Variants in SHROOM2 observed in about 807,000 individuals in gnomAD.
SHROOM2 encodes the protein protein Shroom2.
In SHROOM2, 33 loss-of-function variants were observed where a neutral mutation model predicts 75.9. The observed-to-expected ratio is 0.43, with a 90% confidence interval of 0.33 to 0.58. The LOEUF is 0.58. Ranked by LOEUF, SHROOM2 falls within the 20% of genes least tolerant of loss-of-function variation. SHROOM2 has a pLI of 0.04. For synonymous variants in SHROOM2, 655 were observed against 663.6 expected (o/e 0.99, Z 0.20); for missense variants, 1,434 against 1,461.2 (o/e 0.98, Z 0.30).
At chrX:9,787,947 C>CT (rs1226102692) in intron 1 of SHROOM2, among the ~76,000 whole-genome samples, 10 of 102,807 alleles carry the variant, frequency 9.7e-5, no homozygotes, top group African/African-American at 2.2e-4. Flanking sequence ...GAACACTCCT[C>CT]TTTTTTTTTT....
In SHROOM2 at chrX:9,902,042, A is replaced by G. The variant is rs564944999; in HGVS notation, c.2891+3752A>G. ...GTTGGATGGATGGAAGGGTAAGTGG[A>G]TAGATGGATGGATGGATGCATGGAT... is the stretch of plus-strand genomic sequence containing the variant. On this transcript the variant is annotated intron_variant, in intron 5 of 9. Transcript: ENST00000380913. Among the ~76,000 whole-genome samples the G allele has an allele frequency of 2.4e-4, 27 of 110,311 alleles. No individual in the cohort carries two copies. In the Middle Eastern group the frequency reaches 0.014, roughly 58 times the overall value.
chrX:9,829,944 T>TTTTTAATTTTA (rs369730941), intron 1 of SHROOM2, among the ~76,000 whole-genome samples: 12 of 107,307 alleles, frequency 1.1e-4, no homozygotes, highest in African/African-American at 4.1e-4. Context: ...TGGCCCAGTT[T>TTTTTAATTTTA]TTTTTATTTT....
At chrX:9,850,248 C>A (rs2084031228) in intron 1 of SHROOM2, among the ~76,000 whole-genome samples, 1 of 112,313 alleles carries the variant, frequency 8.9e-6, no homozygotes, top group Admixed American at 9.4e-5. Context: ...TGCTGACCTT[C>A]TTACATGCCT....
chrX:9,922,635 A>T (rs1293812973), intron 5 of SHROOM2, among the ~76,000 whole-genome samples: 1 of 111,314 alleles, frequency 9.0e-6, no homozygotes, highest in Non-Finnish European at 1.9e-5. Flanking sequence ...CTGTGAATAC[A>T]GCACCACTGG....
At chrX:9,901,302 C>T (rs1185975546) in intron 5 of SHROOM2, among the ~76,000 whole-genome samples, 1 of 112,059 alleles carries the variant, frequency 8.9e-6, no homozygotes, top group Non-Finnish European at 1.9e-5. Context: ...TTCTGAGATA[C>T]TAAGAGTTAT....
intron 1 of SHROOM2, among the ~76,000 whole-genome samples, chrX:9,870,505 A>G (rs1223820593): frequency 2.7e-5 from 3 of 112,310 alleles, no homozygotes; most frequent in African/African-American, 6.5e-5. Flanking sequence ...ATCTATATTC[A>G]TAGAGATTAA....
At chrX:9,916,889 A>G (rs913149698) in intron 5 of SHROOM2, among the ~76,000 whole-genome samples, 2 of 111,954 alleles carry the variant, frequency 1.8e-5, no homozygotes, top group Admixed American at 1.9e-4. Context: ...TTTTTGACAT[A>G]CAAGTGTGTT....
At chrX:9,875,105 AAAAAAG>A (rs2084192525) in intron 2 of SHROOM2, among the ~76,000 whole-genome samples, 2 of 100,447 alleles carry the variant, frequency 2.0e-5, no homozygotes, top group African/African-American at 7.1e-5. Flanking sequence ...AAAAAAAAAA[AAAAAAG>A]GGGAGGAAGG....
At position 9,904,073 on chromosome X, in the gene SHROOM2, C is replaced by T. The variant is rs759078610; in HGVS notation, c.2891+5783C>T. Among the ~76,000 whole-genome samples, 10 of 111,173 alleles carry T rather than the reference C, an allele frequency of 9.0e-5. No homozygotes were observed. The East Asian group carries it at 2.8e-3, about 31-fold the overall frequency. ...CAGGGAGGCAGATCCACAAAGCCCT[C>T]GTGTGGAGGGAGAAGTGTGCAAAAG... On this transcript the variant is annotated intron_variant, in intron 5 of 9. Coordinates refer to ENST00000380913, the MANE Select transcript of SHROOM2 (RefSeq NM_001649.4).
intron 1 of SHROOM2, among the ~76,000 whole-genome samples, chrX:9,863,958 C>A (rs1407226276): frequency 9.0e-6 from 1 of 111,016 alleles, no homozygotes; most frequent in Non-Finnish European, 1.9e-5. Context: ...CCAGGTACTC[C>A]AGCGACCTTC....
chrX:9,792,019 T>A (rs777276516), intron 1 of SHROOM2, among the ~76,000 whole-genome samples: 50 of 140 alleles, frequency 0.36, 5 homozygotes, highest in African/African-American at 0.54. Context: ...TAGAATAGAA[T>A]AGAATAGAAT....
chrX:9,858,240 C>A (rs182178954), intron 1 of SHROOM2, among the ~76,000 whole-genome samples: 1 of 111,747 alleles, frequency 8.9e-6, no homozygotes, highest in Admixed American at 9.5e-5. Context: ...GCCTCCCTGA[C>A]GTTGCACGGC....
At chrX:9,847,822 T>C (rs1478929881) in intron 1 of SHROOM2, among the ~76,000 whole-genome samples, 1 of 112,281 alleles carries the variant, frequency 8.9e-6, no homozygotes, top group Non-Finnish European at 1.9e-5. Context: ...CTTACAGTGT[T>C]GGCCAGTCCT....
chrX:9,896,828 A>G (rs974664443), intron 4 of SHROOM2, 130 bp downstream of exon 4: 4 of 736,073 alleles, frequency 5.4e-6, no homozygotes, highest in Non-Finnish European at 5.7e-6. Context: ...CAGATCTCCT[A>G]GTGTCCTCTG....
At chrX:9,901,423 C>T (rs1386891439) in intron 5 of SHROOM2, among the ~76,000 whole-genome samples, 1 of 112,096 alleles carries the variant, frequency 8.9e-6, no homozygotes, top group African/African-American at 3.2e-5. Flanking sequence ...GCTGTCAGCT[C>T]TCTCAGGAAG....
chrX:9,838,284 T>A (rs1420599990), intron 1 of SHROOM2, among the ~76,000 whole-genome samples: 1 of 109,888 alleles, frequency 9.1e-6, no homozygotes, highest in East Asian at 2.9e-4. Context: ...ATGGTCTCGA[T>A]CTCCTGACCT....
chrX:9,903,284 C>T (rs2084374246), intron 5 of SHROOM2, among the ~76,000 whole-genome samples: 1 of 112,532 alleles, frequency 8.9e-6, no homozygotes, highest in African/African-American at 3.2e-5. Context: ...GCTTTCCATT[C>T]TGAGCTGCTG....
chrX:9,867,067 G>A (rs1273258056), intron 1 of SHROOM2, among the ~76,000 whole-genome samples: 1 of 111,040 alleles, frequency 9.0e-6, no homozygotes, highest in East Asian at 2.8e-4. Flanking sequence ...GGATGCCCTT[G>A]CCCTTATGGG....
intron 1 of SHROOM2, among the ~76,000 whole-genome samples, chrX:9,828,458 GTTC>G (rs894995158): frequency 7.2e-5 from 8 of 111,350 alleles, no homozygotes; most frequent in East Asian, 2.8e-4. Context: ...AGAAGTTATT[GTTC>G]TTCTTCTTAT....
Sources: allele counts gnomAD v4.1 joint callset (sites outside exome capture counted in the v4.1 genomes callset), GRCh38; gene constraint gnomAD v4.1.1; transcripts MANE v1.5; gene names NCBI Gene and HGNC (gene_info 2026-07-23, HGNC 2026-07-21).